Variants in PERM1 observed in about 807,000 individuals in gnomAD.
The protein encoded by PERM1 is PGC-1 and ERR-induced regulator in muscle protein 1.
A neutral mutation model predicts 44.1 loss-of-function variants in PERM1; 45 were observed. The observed-to-expected ratio is 1.02, with a 90% CI of 0.80 to 1.31. The LOEUF (loss-of-function observed/expected upper bound fraction) is 1.31, where lower values mean the gene tolerates loss of function less well. Among genes scored for constraint, PERM1 ranks in the 50% most tolerant of loss-of-function variants. PERM1 has a pLI of 0.00. For synonymous variants in PERM1, 565 were observed against 477.1 expected (o/e 1.18, Z -2.40); for missense variants, 1,189 against 1,106.9 (o/e 1.07, Z -1.05).
exon 1 of PERM1, chr1:980,637 C>T (rs547531279): frequency 5.3e-5 from 77 of 1,441,074 alleles, no homozygotes; most frequent in South Asian, 3.6e-4. Flanking sequence ...CAGAAGACGC[C>T]GGACCAGGGC....
Position 976,400 on chromosome 1 carries a change from T to C in PERM1, c.2275+99A>G. 4 of 1,529,494 alleles carry C rather than the reference T, an allele frequency of 2.6e-6. No homozygotes were observed. In the South Asian group the frequency reaches 4.9e-5, roughly 19 times the overall value. The allele number at this position is 1,529,494 out of a possible 1,614,324, so 94.7% of individuals were successfully genotyped here. A position where few individuals can be genotyped will look rare whatever the true frequency, so the allele number is the denominator to read the frequency against. ...CGCAGCTCAGCCTGGGGGGAGCAGG[T>C]CAGGGGTGAGCCCCGGGGCCCCCGT... On this transcript the variant is annotated intron_variant, in intron 2 of 2. Coordinates refer to ENST00000433179, the Ensembl canonical transcript of PERM1.
At chr1:980,224 A>G (rs1373415773) in exon 1 of PERM1, 1 of 1,550,282 alleles carries the variant, frequency 6.5e-7, no homozygotes, top group Non-Finnish European at 8.7e-7. Flanking sequence ...CGGGGTTCTG[A>G]TTTGGTCTGT....
intron 1 of PERM1, among the ~76,000 whole-genome samples, chr1:978,234 C>T (rs745559056): frequency 6.7e-6 from 1 of 150,212 alleles, no homozygotes; most frequent in South Asian, 2.1e-4. Flanking sequence ...ACGCCCGCCC[C>T]GGGAACCGCC....
chr1:980,180 C>T, exon 1 of PERM1: 1 of 1,550,454 alleles, frequency 6.4e-7, no homozygotes. Context: ...GCTTCCCAGA[C>T]AGTCGTGGAC....
chr1:978,931 G>A, exon 1 of PERM1: 2 of 1,507,478 alleles, frequency 1.3e-6, no homozygotes, highest in Non-Finnish European at 1.8e-6. Context: ...TGGCTTGAGG[G>A]GGGTCCCAGG....
At chr1:979,496 T>C (rs13302983) in exon 1 of PERM1, 1,505,094 of 1,549,924 alleles carry the variant, frequency 0.97, 731,006 homozygotes, top group East Asian at 1. Context: ...TTATTGGGGC[T>C]GGGCCCAGCC....
Position 976,641 on chromosome 1 carries a change from CCTT to C in PERM1, c.2150-20_2150-18del. 2 of 1,548,906 alleles carry C rather than the reference CCTT, an allele frequency of 1.3e-6. No homozygotes were observed. Among genetic ancestry groups the C allele is most frequent in the Non-Finnish European group, 1.7e-6 (2 of 1,146,080 alleles). Reference sequence around the variant, plus strand: ...GGAGCTCCCCTAGGACAGAAGCTCACCTTCAGCCCCACGGCTGCACTCAGAGAT... The same window carrying C: ...GGAGCTCCCCTAGGACAGAAGCTCACCAGCCCCACGGCTGCACTCAGAGAT... On this transcript the variant is annotated intron_variant, in intron 1 of 2. Coordinates refer to ENST00000433179, the Ensembl canonical transcript of PERM1.
chr1:981,206 G>A, upstream of PERM1: 1 of 1,535,244 alleles, frequency 6.5e-7, no homozygotes, highest in Non-Finnish European at 8.8e-7. Flanking sequence ...TCGAGGGGAG[G>A]GCCGCGCTTC....
At chr1:979,040 A>G in exon 1 of PERM1, 1 of 1,541,050 alleles carries the variant, frequency 6.5e-7, no homozygotes. Context: ...TCCCCGAAGA[A>G]GAAGTGTTCA....
chr1:980,506 G>T, exon 1 of PERM1: 1 of 1,489,100 alleles, frequency 6.7e-7, no homozygotes, highest in Non-Finnish European at 8.9e-7. Context: ...CCGTGGTGGG[G>T]CTCCAGGGCT....
At chr1:978,647 C>T (rs897307966) in intron 1 of PERM1, among the ~76,000 whole-genome samples, 7 of 152,226 alleles carry the variant, frequency 4.6e-5, no homozygotes, top group Non-Finnish European at 5.9e-5. Flanking sequence ...CACATGGGCC[C>T]GAACACAGGG....
At chr1:981,532 C>T (rs946351502), upstream of PERM1, among the ~76,000 whole-genome samples, 1 of 152,242 alleles carries the variant, frequency 6.6e-6, no homozygotes, top group Non-Finnish European at 1.5e-5. Context: ...CATCCCAGTG[C>T]GCCCCAGCTG....
At chr1:976,655 G>T in intron 1 of PERM1, 31 bp from the exon 3 acceptor site, 8 of 1,547,536 alleles carry the variant, frequency 5.2e-6, no homozygotes, top group South Asian at 2.4e-5. Flanking sequence ...CAGCCCCACG[G>T]CTGCACTCAG....
exon 2 of PERM1, chr1:976,546 C>G: frequency 6.5e-7 from 1 of 1,549,590 alleles, no homozygotes; most frequent in Non-Finnish European, 8.7e-7. Context: ...CCTCACAGCC[C>G]AGGTGGCAAA....
chr1:975,476 C>A (rs982350592), exon 3 of PERM1: 1 of 152,282 alleles, frequency 6.6e-6, no homozygotes, highest in Admixed American at 6.5e-5. Context: ...CCAGGGCTCC[C>A]GGGGAGGGGC....
At chr1:980,250 A>G in exon 1 of PERM1, 7 of 1,550,384 alleles carry the variant, frequency 4.5e-6, no homozygotes, top group Admixed American at 3.9e-5. Context: ...GCTCTGTCAC[A>G]GGGACAGGTG....
At chr1:979,745 G>A (rs1220685404) in exon 1 of PERM1, 3 of 1,550,206 alleles carry the variant, frequency 1.9e-6, no homozygotes, top group Admixed American at 2.0e-5. Context: ...GAGACAGGTG[G>A]AGATGAAGCC....
upstream of PERM1, chr1:981,198 G>T (rs1038141391): frequency 6.5e-7 from 1 of 1,539,776 alleles, no homozygotes. Context: ...ACAGCATCTC[G>T]AGGGGAGGGC....
chr1:976,260 G>A, exon 3 of PERM1: 9 of 1,520,430 alleles, frequency 5.9e-6, no homozygotes, highest in Non-Finnish European at 7.9e-6. Flanking sequence ...GCCGACGTTG[G>A]CCAGCAAGGC....
Sources: gnomAD v4.1 joint callset for allele counts (sites outside exome capture counted in the v4.1 genomes callset) on GRCh38, gnomAD v4.1.1 for gene constraint, MANE v1.5 for transcripts, NCBI Gene and HGNC (gene_info 2026-07-23, HGNC 2026-07-21) for gene names.